B4GALT1: variants seen among roughly 807,000 people sequenced by gnomAD.
B4GALT1 encodes beta-1,4-galactosyltransferase 1.
Under a neutral mutation model 34.9 loss-of-function variants are expected in B4GALT1, and 16 were observed. The observed-to-expected ratio is 0.46, with a 90% CI of 0.31 to 0.70. The LOEUF (loss-of-function observed/expected upper bound fraction) is 0.70, where lower values mean the gene tolerates loss of function less well. Ranked by LOEUF, B4GALT1 falls within the 30% of genes least tolerant of loss-of-function variation. The pLI is 0.05. For synonymous variants in B4GALT1, 221 were observed against 218.1 expected, an observed-to-expected ratio of 1.01 and a Z score of -0.12; for missense variants, 445 against 530.5, an observed-to-expected ratio of 0.84 and a Z score of 1.58.
chr9:33,139,951 C>T (rs1471306209), intron 1 of B4GALT1, among the ~76,000 whole-genome samples: 3 of 152,230 alleles, frequency 2.0e-5, no homozygotes, highest in Non-Finnish European at 2.9e-5. Context: ...AAGCTGTCCT[C>T]GGCTCCCCCA....
the B4GALT1 span, among the ~76,000 whole-genome samples, chr9:33,172,822 T>TC: frequency 6.6e-6 from 1 of 151,896 alleles, no homozygotes; most frequent in Middle Eastern, 3.4e-3. Context: ...CTTTTTTTTT[T>TC]CTCCCTTTTC....
At chr9:33,162,293 G>A (rs1388878118) in intron 1 of B4GALT1, among the ~76,000 whole-genome samples, 2 of 152,254 alleles carry the variant, frequency 1.3e-5, no homozygotes, top group East Asian at 3.9e-4. Context: ...ATGAAGGAGG[G>A]AGGGGAGTGA....
intron 1 of B4GALT1, among the ~76,000 whole-genome samples, chr9:33,140,372 C>CA (rs1840331236): frequency 1.3e-5 from 2 of 152,182 alleles, no homozygotes; most frequent in Admixed American, 6.5e-5. Flanking sequence ...TAAAGGTAAT[C>CA]AAAGTATAGG....
At chr9:33,160,223 C>T (rs902863644) in intron 1 of B4GALT1, among the ~76,000 whole-genome samples, 1 of 151,898 alleles carries the variant, frequency 6.6e-6, no homozygotes, top group African/African-American at 2.4e-5. Context: ...CCAAAAAGTA[C>T]ATAAAGCTTT....
At position 33,112,289 on chromosome 9, in the gene B4GALT1, G is replaced by A. The variant is rs1385321278; in HGVS notation, c.*1165C>T. 6.6e-6 allele frequency: 1 copy of A among 152,290 alleles called. No individual in the cohort carries two copies. The highest frequency in any genetic ancestry group is 1.5e-5 in the Non-Finnish European group (1 of 68,126). The allele number at this position is 152,290 out of a possible 1,614,324, so 9.4% of individuals were successfully genotyped here. ...ACCCCCCAGCCTAGGGGCCTGAGGG[G>A]TCAGTCTAAGGAGGCTGAGGCTCCC... On this transcript the variant is annotated 3_prime_UTR_variant, in exon 6 of 6. Coordinates refer to ENST00000379731, the MANE Select transcript of B4GALT1 (RefSeq NM_001497.4).
chr9:33,135,921 G>A (rs1840265357), intron 1 of B4GALT1, among the ~76,000 whole-genome samples: 1 of 151,426 alleles, frequency 6.6e-6, no homozygotes, highest in Non-Finnish European at 1.5e-5. Flanking sequence ...ATGTGTGTGT[G>A]TGTGTGTGTG....
At chr9:33,119,944 G>A (rs1385889503) in intron 3 of B4GALT1, among the ~76,000 whole-genome samples, 1 of 152,140 alleles carries the variant, frequency 6.6e-6, no homozygotes, top group East Asian at 1.9e-4. Context: ...AGCACTTCGA[G>A]AGGCCAAGGC....
chr9:33,157,419 T>C (rs1282341853), intron 1 of B4GALT1, among the ~76,000 whole-genome samples: 1 of 152,224 alleles, frequency 6.6e-6, no homozygotes, highest in Non-Finnish European at 1.5e-5. Context: ...ATCTAGATTA[T>C]CGACGATAGT....
the B4GALT1 span, among the ~76,000 whole-genome samples, chr9:33,177,986 C>T: frequency 9.3e-5 from 10 of 107,452 alleles, no homozygotes; most frequent in African/African-American, 1.5e-4. Flanking sequence ...AAACAGAAGA[C>T]TTTTTTTTTT....
chr9:33,107,509 G>A (rs1839806951), downstream of B4GALT1, among the ~76,000 whole-genome samples: 1 of 152,152 alleles, frequency 6.6e-6, no homozygotes, highest in South Asian at 2.1e-4. Flanking sequence ...TCACCCCCAG[G>A]GGCAGCCGCC....
chr9:33,132,532 C>T (rs1033258806), intron 2 of B4GALT1, among the ~76,000 whole-genome samples: 11 of 152,246 alleles, frequency 7.2e-5, no homozygotes, highest in African/African-American at 2.7e-4. Context: ...GAAGCACTCT[C>T]TTAGGTGGTG....
chr9:33,113,604 CA>C lies in B4GALT1; in HGVS notation c.1065-19del, dbSNP rs1447872889. 2.6e-5 allele frequency: 42 copies of C among 1,614,146 alleles called. No individual in the cohort carries two copies. The highest frequency in any genetic ancestry group is 3.4e-5 in the Non-Finnish European group (40 of 1,180,022). The stretch of plus-strand genomic sequence containing the variant: ...GGTCAAACCTACAAGGAAAAGAGCA[CA>C]AGGAGATTGTCTTAAAACAAAAATC... On this transcript the variant is annotated intron_variant, in intron 5 of 5. Transcript: ENST00000379731.
chr9:33,140,256 G>A (rs967624694), intron 1 of B4GALT1, among the ~76,000 whole-genome samples: 2 of 152,212 alleles, frequency 1.3e-5, no homozygotes, highest in African/African-American at 4.8e-5. Context: ...TGATTGGCCA[G>A]TGGGTCGAAA....
chr9:33,182,240 C>G, the B4GALT1 span, among the ~76,000 whole-genome samples: 22 of 152,216 alleles, frequency 1.4e-4, no homozygotes, highest in African/African-American at 4.8e-4. Flanking sequence ...ATGGCCTTCT[C>G]TCTGCCTATG....
At chr9:33,133,426 G>A (rs1840222190) in intron 2 of B4GALT1, among the ~76,000 whole-genome samples, 1 of 152,198 alleles carries the variant, frequency 6.6e-6, no homozygotes, top group Non-Finnish European at 1.5e-5. Context: ...GGTGATGGTG[G>A]CCGCCTCTTC....
rs1840376691 is a variant in B4GALT1 at position 33,143,076 on chromosome 9, T to A, written c.413-7652A>T. Among the ~76,000 whole-genome samples the A allele has an allele frequency of 2.6e-5, 4 of 152,112 alleles. No individual in the cohort carries two copies. The South Asian group carries it at 8.3e-4, about 32-fold the overall frequency. On this transcript the variant is annotated intron_variant, in intron 1 of 5. Coordinates refer to ENST00000379731, the MANE Select transcript of B4GALT1 (RefSeq NM_001497.4). ...AGGAGAATCGCTGGAACCTGGGAAGTGGAGGCTGCAGTGAGCCGAGATCAT... is the reference window on the plus strand; with the variant it reads ...AGGAGAATCGCTGGAACCTGGGAAGAGGAGGCTGCAGTGAGCCGAGATCAT...
At chr9:33,122,409 G>A (rs1015663524) in intron 2 of B4GALT1, among the ~76,000 whole-genome samples, 1 of 152,032 alleles carries the variant, frequency 6.6e-6, no homozygotes, top group Admixed American at 6.6e-5. Flanking sequence ...TGGAGGCTGA[G>A]GTAGGAGGCT....
chr9:33,167,875 C>G (rs1257287361), upstream of B4GALT1, among the ~76,000 whole-genome samples: 2 of 152,238 alleles, frequency 1.3e-5, no homozygotes, highest in Non-Finnish European at 2.9e-5. Flanking sequence ...AACCCCCTCC[C>G]TAACTCAGCC....
At chr9:33,107,366 T>C (rs1304448067), downstream of B4GALT1, among the ~76,000 whole-genome samples, 1 of 152,164 alleles carries the variant, frequency 6.6e-6, no homozygotes, top group Non-Finnish European at 1.5e-5. Context: ...CCTGGATATG[T>C]GGCAGAAACT....
Sources: gnomAD v4.1 joint callset for allele counts (sites outside exome capture counted in the v4.1 genomes callset) on GRCh38, gnomAD v4.1.1 for gene constraint, MANE v1.5 for transcripts, NCBI Gene and HGNC (gene_info 2026-07-23, HGNC 2026-07-21) for gene names.